Variants in PRKG1 observed in about 807,000 individuals in gnomAD.
PRKG1 encodes cGMP-dependent protein kinase 1.
A neutral mutation model predicts 88.1 loss-of-function variants in PRKG1; 35 were observed. The observed-to-expected ratio is 0.40, with a 90% CI of 0.30 to 0.53. The LOEUF (loss-of-function observed/expected upper bound fraction) is 0.53. Among genes scored for constraint, PRKG1 ranks in the 20% least tolerant of loss-of-function variants. The pLI, the probability that PRKG1 is intolerant of heterozygous loss-of-function variation, is 0.59. For missense variants in PRKG1, 540 were observed against 839.8 expected (o/e 0.64, Z 4.41); for synonymous variants, 303 against 292.5 (o/e 1.04, Z -0.37).
chr10:51,417,879 G>A (rs1196651870), intron 2 of PRKG1, among the ~76,000 whole-genome samples: 1 of 152,038 alleles, frequency 6.6e-6, no homozygotes, highest in Non-Finnish European at 1.5e-5. Context: ...GAAAATATTA[G>A]CCATTGATTT....
intron 8 of PRKG1, among the ~76,000 whole-genome samples, chr10:52,147,308 CA>C (rs1158141215): frequency 6.6e-6 from 1 of 152,126 alleles, no homozygotes; most frequent in Non-Finnish European, 1.5e-5. Context: ...AGATTGTGGT[CA>C]GTGGTGGAAA....
At chr10:51,334,737 G>A (rs1841830352) in intron 2 of PRKG1, among the ~76,000 whole-genome samples, 1 of 152,114 alleles carries the variant, frequency 6.6e-6, no homozygotes, top group Non-Finnish European at 1.5e-5. Context: ...GGTAAAGGAG[G>A]GAACCAGCAG....
At chr10:51,670,390 ATTTTTC>A (rs915349722) in intron 3 of PRKG1, among the ~76,000 whole-genome samples, 2 of 151,176 alleles carry the variant, frequency 1.3e-5, no homozygotes, top group African/African-American at 4.8e-5. Flanking sequence ...ATATTTCATT[ATTTTTC>A]TTTATTTTTT....
intron 2 of PRKG1, among the ~76,000 whole-genome samples, chr10:51,199,726 C>T (rs1317565332): frequency 6.6e-6 from 1 of 152,192 alleles, no homozygotes; most frequent in Non-Finnish European, 1.5e-5. Flanking sequence ...AATTTCACTG[C>T]TCATCTCAAG....
chr10:51,812,488 C>A (rs752910296), intron 4 of PRKG1, among the ~76,000 whole-genome samples: 1 of 152,140 alleles, frequency 6.6e-6, no homozygotes, highest in Non-Finnish European at 1.5e-5. Flanking sequence ...TGCATCTCAT[C>A]GATTTGCTAA....
chr10:52,296,805 T>C lies in PRKG1; in HGVS notation c.*2905T>C, dbSNP rs1358702584. On this transcript the variant is annotated 3_prime_UTR_variant, in exon 18 of 18. Transcript: ENST00000373980. ...GGAAAAACGCTATACATGCTTTTTA[T>C]GTTTATATCTTCTTTCTTATTAAGA... is the stretch of plus-strand genomic sequence containing the variant. 6 of 152,136 alleles carry C rather than the reference T, an allele frequency of 3.9e-5. No homozygotes were observed. Among genetic ancestry groups the C allele is most frequent in the Admixed American group, 3.9e-4 (6 of 15,262 alleles). The allele number at this position is 152,136 out of a possible 1,614,324, so 9.4% of individuals were successfully genotyped here. A position where few individuals can be genotyped will look rare whatever the true frequency, so the allele number is the denominator to read the frequency against.
intron 2 of PRKG1, among the ~76,000 whole-genome samples, chr10:51,393,502 G>A (rs1403241273): frequency 6.6e-6 from 1 of 152,222 alleles, no homozygotes; most frequent in Non-Finnish European, 1.5e-5. Flanking sequence ...TACATTAAAA[G>A]TCAAGGTGAC....
chr10:51,940,798 G>A (rs1842891277), intron 5 of PRKG1, among the ~76,000 whole-genome samples: 1 of 151,836 alleles, frequency 6.6e-6, no homozygotes. Context: ...AAAGCACCAA[G>A]CCCATAACCA....
chr10:51,792,868 A>G (rs879511445), intron 3 of PRKG1, among the ~76,000 whole-genome samples: 6 of 152,112 alleles, frequency 3.9e-5, no homozygotes, highest in Non-Finnish European at 5.9e-5. Context: ...TAAAATGCTT[A>G]TTCAGCTTTT....
chr10:51,149,409 C>G (rs1398673949), intron 1 of PRKG1, among the ~76,000 whole-genome samples: 1 of 152,036 alleles, frequency 6.6e-6, no homozygotes, highest in Non-Finnish European at 1.5e-5. Context: ...TTCCTATACT[C>G]TAAAATTGCC....
intron 2 of PRKG1, among the ~76,000 whole-genome samples, chr10:51,183,263 A>G (rs1277632866): frequency 1.3e-5 from 2 of 152,220 alleles, no homozygotes; most frequent in Admixed American, 6.5e-5. Flanking sequence ...GTTGTGGGAA[A>G]GCATAGATAA....
chr10:51,181,807 A>C (rs1413433417), intron 2 of PRKG1, among the ~76,000 whole-genome samples: 2 of 152,246 alleles, frequency 1.3e-5, no homozygotes, highest in African/African-American at 4.8e-5. Context: ...AGAATTCGAC[A>C]CAGGTCTGCA....
chr10:51,791,632 T>C (rs1838872492), intron 3 of PRKG1, among the ~76,000 whole-genome samples: 1 of 152,026 alleles, frequency 6.6e-6, no homozygotes, highest in Admixed American at 6.6e-5. Context: ...CTCAGGTATA[T>C]GAATAACTAT....
intron 9 of PRKG1, among the ~76,000 whole-genome samples, chr10:52,205,697 C>T (rs980186495): frequency 6.6e-6 from 1 of 152,138 alleles, no homozygotes; most frequent in Non-Finnish European, 1.5e-5. Context: ...TATGAAAAAT[C>T]TTTGTTGGAA....
intron 1 of PRKG1, among the ~76,000 whole-genome samples, chr10:51,091,197 A>C (rs1303533490): frequency 6.6e-6 from 1 of 152,224 alleles, no homozygotes; most frequent in East Asian, 1.9e-4. Flanking sequence ...CATGTAATAC[A>C]AGAAAGATTA....
At chr10:51,932,143 ATCT>A (rs1286421107) in intron 5 of PRKG1, among the ~76,000 whole-genome samples, 1 of 151,352 alleles carries the variant, frequency 6.6e-6, no homozygotes, top group East Asian at 1.9e-4. Flanking sequence ...TACCTCAGAA[ATCT>A]TCTTATTTAA....
intron 5 of PRKG1, among the ~76,000 whole-genome samples, chr10:52,049,302 A>T (rs1014277357): frequency 6.6e-6 from 1 of 152,110 alleles, no homozygotes; most frequent in Non-Finnish European, 1.5e-5. Context: ...TAGAGAAAGG[A>T]CCAGTTGAGT....
intron 7 of PRKG1, among the ~76,000 whole-genome samples, chr10:52,086,729 C>G (rs944856531): frequency 6.6e-6 from 1 of 152,016 alleles, no homozygotes; most frequent in African/African-American, 2.4e-5. Flanking sequence ...TCAAACAATT[C>G]GCTATATGTG....
chr10:51,188,693 T>C (rs1837556109), intron 2 of PRKG1, among the ~76,000 whole-genome samples: 1 of 151,868 alleles, frequency 6.6e-6, no homozygotes, highest in Non-Finnish European at 1.5e-5. Flanking sequence ...GCTGACATTC[T>C]AGAGGGTGAC....
Sources: gnomAD v4.1 joint callset for allele counts (sites outside exome capture counted in the v4.1 genomes callset) on GRCh38, gnomAD v4.1.1 for gene constraint, MANE v1.5 for transcripts, NCBI Gene and HGNC (gene_info 2026-07-23, HGNC 2026-07-21) for gene names.